The following SATB2 variants were observed in gnomAD, a reference collection of about 807,000 sequenced individuals.
SATB2 encodes the protein DNA-binding protein SATB2.
SATB2 carries 1 observed loss-of-function variant against 73.4 expected under a neutral mutation model. The ratio of observed to expected loss-of-function variants is 0.01; its 90% CI spans 0.00 to 0.06. The LOEUF (loss-of-function observed/expected upper bound fraction) is 0.06. Ranked by LOEUF, SATB2 falls within the 10% of genes least tolerant of loss-of-function variation. The probability of loss-of-function intolerance (pLI) is 1.00; values close to 1 mark genes in which losing one functional copy is unlikely to be tolerated. For missense variants in SATB2, 459 were observed against 945.8 expected (o/e 0.49, Z 6.75); for synonymous variants, 397 against 367.0 (o/e 1.08, Z -0.93).
rs902011245 is a variant in SATB2 at position 199,407,054 on chromosome 2, C to T, written c.347-25234G>A. On this transcript the variant is annotated intron_variant, in intron 3 of 10. Coordinates refer to ENST00000417098, the MANE Select transcript of SATB2 (RefSeq NM_001172509.2). The stretch of plus-strand genomic sequence containing the variant: ...TAGAAAAGTTGGCTGGGTGTGGCGG[C>T]TCACACCTGTAATCCCAGCATCTTG... Among the ~76,000 whole-genome samples, 200 of 151,954 alleles carry T rather than the reference C, an allele frequency of 1.3e-3. 2 individuals carry two copies. The highest frequency in any genetic ancestry group is 4.7e-3 in the African/African-American group (196 of 41,382).
At chr2:199,434,735 A>G (rs2105930418) in intron 2 of SATB2, among the ~76,000 whole-genome samples, 1 of 152,262 alleles carries the variant, frequency 6.6e-6, no homozygotes, top group South Asian at 2.1e-4. Flanking sequence ...ATGGCCCCTG[A>G]CACATAGAAT....
chr2:199,458,777 C>A, upstream of SATB2: 1 of 397,914 alleles, frequency 2.5e-6, no homozygotes, highest in South Asian at 1.7e-5. Flanking sequence ...GCCCACCACC[C>A]ACCGCCTCCG....
rs146591001 is a variant in SATB2 at position 199,303,128 on chromosome 2, C to T, written c.1740+5632G>A. ...GCTGTCGCACGTTAGCAGTGCTTTC[C>T]AGCACATGATAAAAGTCAGACTCTG... is the stretch of plus-strand genomic sequence containing the variant. On this transcript the variant is annotated intron_variant, in intron 10 of 10. Coordinates refer to ENST00000417098, the MANE Select transcript of SATB2 (RefSeq NM_001172509.2). Among the ~76,000 whole-genome samples, 13 of 152,312 alleles carry T rather than the reference C, an allele frequency of 8.5e-5. 1 individual carries two copies. The highest frequency in any genetic ancestry group is 3.9e-4 in the Admixed American group (6 of 15,300).
chr2:199,436,726 C>A (rs1691663311), intron 2 of SATB2, among the ~76,000 whole-genome samples: 1 of 151,904 alleles, frequency 6.6e-6, no homozygotes, highest in African/African-American at 2.4e-5. Flanking sequence ...AAAATAGTAT[C>A]ATTGAGGTCA....
intron 9 of SATB2, among the ~76,000 whole-genome samples, chr2:199,314,407 T>G (rs1687675066): frequency 6.6e-6 from 1 of 151,358 alleles, no homozygotes; most frequent in Non-Finnish European, 1.5e-5. Flanking sequence ...TAAGGTTTGT[T>G]TCCCTATCTC....
Position 199,349,069 on chromosome 2 carries a change from C to T in SATB2, c.805G>A (p.Glu269Lys), listed in dbSNP as rs1399958038. The change falls in exon 7 of 11, where the codon GAA becomes AAA. Residue 269 changes from glutamate to lysine, a missense_variant. Coordinates refer to ENST00000417098, the MANE Select transcript of SATB2 (RefSeq NM_001172509.2). ...NQLASLGKTN[E>K]QSPHSQIHHS... ...TGAATTTGGCTGTGAGGAGACTGTT[C>T]GTTGGTTTTCCCCAGGGATGCCAGC... The T allele has an allele frequency of 1.2e-6, 2 of 1,613,878 alleles. No homozygotes were observed. The highest frequency in any genetic ancestry group is 8.5e-7 in the Non-Finnish European group (1 of 1,179,964).
At chr2:199,336,293 T>TA (rs755808616) in intron 7 of SATB2, among the ~76,000 whole-genome samples, 10 of 152,114 alleles carry the variant, frequency 6.6e-5, no homozygotes, top group Non-Finnish European at 1.0e-4. Context: ...TCTGGGCACA[T>TA]ACATGGTTTC....
At chr2:199,286,087 G>A (rs764812277) in intron 10 of SATB2, among the ~76,000 whole-genome samples, 2 of 151,210 alleles carry the variant, frequency 1.3e-5, no homozygotes, top group South Asian at 2.1e-4. Flanking sequence ...TTTCCTCTTT[G>A]GTTATAAATT....
intron 5 of SATB2, among the ~76,000 whole-genome samples, chr2:199,379,448 C>G (rs555486437): frequency 2.0e-5 from 3 of 152,272 alleles, no homozygotes; most frequent in African/African-American, 7.2e-5. Context: ...ATGGCTGACT[C>G]ATCCAGCTGA....
chr2:199,386,779 G>A (rs1460871779), intron 3 of SATB2, among the ~76,000 whole-genome samples: 4 of 149,064 alleles, frequency 2.7e-5, no homozygotes, highest in African/African-American at 5.0e-5. Context: ...TTTGAGTTCA[G>A]CCAGGAACAT....
chr2:199,322,524 T>G (rs1000562976), intron 9 of SATB2, among the ~76,000 whole-genome samples: 6 of 152,234 alleles, frequency 3.9e-5, no homozygotes, highest in African/African-American at 1.4e-4. Context: ...CAAACTGTAT[T>G]TCACTGATTT....
intron 3 of SATB2, among the ~76,000 whole-genome samples, chr2:199,412,001 T>A (rs1690834179): frequency 6.6e-6 from 1 of 151,640 alleles, no homozygotes; most frequent in Admixed American, 6.6e-5. Context: ...CAAGAAAAAA[T>A]ATGGGGCATC....
chr2:199,329,107 C>T (rs1202817836), intron 7 of SATB2, 197 bp from the exon 8 acceptor site: 1 of 623,944 alleles, frequency 1.6e-6, no homozygotes, highest in Non-Finnish European at 2.9e-6. Context: ...TATTTTAGGA[C>T]TGTTCTATTC....
rs770882980 is a variant in SATB2, at chr2:199,348,968, A to G, written c.906T>C (p.Leu302=). ...TTTGTTGCCTTACAAGTTGTGGACT[A>G]AGCTGGGGAGAAAGAAGACCAGGGC... The part of the protein sequence containing the change: ...IMSPGLLSPQ[L]SPQLVRQQIA... Residue 302 remains leucine (L), a synonymous_variant, in exon 7 of 11, where the codon CTT becomes CTC. Coordinates refer to ENST00000417098, the MANE Select transcript of SATB2 (RefSeq NM_001172509.2). 1.2e-6 allele frequency: 2 copies of G among 1,614,126 alleles called. No homozygotes were observed. The highest frequency in any genetic ancestry group is 4.5e-5 in the East Asian group (2 of 44,866).
In SATB2 at chr2:199,276,096, T is replaced by C. The variant is rs980003660; in HGVS notation, c.1741-3424A>G. Among the ~76,000 whole-genome samples, 4 of 152,206 alleles carry C rather than the reference T, an allele frequency of 2.6e-5. No individual in the cohort carries two copies. In the South Asian group the frequency reaches 8.3e-4, roughly 31 times the overall value. On this transcript the variant is annotated intron_variant, in intron 10 of 10. Transcript: ENST00000417098. ...CTCTCTAGCCAATTGCTAAGAATCC[T>C]TCCTAATACCATGTAGTACTTTATT...
intron 5 of SATB2, among the ~76,000 whole-genome samples, chr2:199,378,854 C>T (rs1689679817): frequency 6.6e-6 from 1 of 152,124 alleles, no homozygotes; most frequent in African/African-American, 2.4e-5. Context: ...ACAAGGGGGG[C>T]TCATAAAGGT....
intron 2 of SATB2, among the ~76,000 whole-genome samples, chr2:199,438,956 G>T (rs1691730254): frequency 6.6e-6 from 1 of 152,232 alleles, no homozygotes; most frequent in Non-Finnish European, 1.5e-5. Flanking sequence ...GCTTTCCTGA[G>T]AGTTGAAAAC....
At chr2:199,322,471 T>C (rs1687918002) in intron 9 of SATB2, among the ~76,000 whole-genome samples, 1 of 152,218 alleles carries the variant, frequency 6.6e-6, no homozygotes, top group Admixed American at 6.5e-5. Context: ...TATGGTATTT[T>C]CTTTTCATGT....
intron 3 of SATB2, among the ~76,000 whole-genome samples, chr2:199,412,884 G>A (rs1690865140): frequency 6.6e-6 from 1 of 152,208 alleles, no homozygotes; most frequent in African/African-American, 2.4e-5. Context: ...TATTTATCAG[G>A]AAAGGAGTGT....
Sources: allele counts gnomAD v4.1 joint callset (sites outside exome capture counted in the v4.1 genomes callset), GRCh38; gene constraint gnomAD v4.1.1; transcripts MANE v1.5; gene names NCBI Gene and HGNC (gene_info 2026-07-23, HGNC 2026-07-21).